The following CMYA5 variants were observed in gnomAD, a reference collection of about 807,000 sequenced individuals.
The protein encoded by CMYA5 is cardiomyopathy-associated protein 5.
A neutral mutation model predicts 318.9 loss-of-function variants in CMYA5; 246 were observed. That is an observed-to-expected ratio of 0.77 (90% CI 0.70 to 0.86). CMYA5 has a LOEUF of 0.86. Among genes scored for constraint, CMYA5 ranks in the 40% least tolerant of loss-of-function variants. CMYA5 has a pLI of 0.00. For synonymous variants in CMYA5, 1,641 were observed against 1,729.5 expected, an observed-to-expected ratio of 0.95 and a Z score of 1.27; for missense variants, 4,589 against 4,678.2, an observed-to-expected ratio of 0.98 and a Z score of 0.56.
Position 79,730,566 on chromosome 5 carries a change from C to T in CMYA5, c.1801C>T (p.Pro601Ser), listed in dbSNP as rs770228255. The change falls in exon 2 of 13, where the codon CCA (proline) becomes TCA (serine). Residue 601 changes from proline (P) to serine (S), a missense_variant. Pro to Ser is a moderately conservative substitution (Grantham distance 74). This residue lies in a region of CMYA5 where 2,132 missense variants were observed against 2,131.3 expected (regional missense o/e 1.00). Transcript: ENST00000446378. Reference sequence around the variant, plus strand: ...TGCTTTTGTATCAGAGTATTCAGTACCACAGGATTTGAACCATGAATTACA... The same window carrying T: ...TGCTTTTGTATCAGAGTATTCAGTATCACAGGATTTGAACCATGAATTACA... Reference protein sequence around the residue: ...GSAFVSEYSVPQDLNHELQEQ... With the variant: ...GSAFVSEYSVSQDLNHELQEQ... 1.4e-5 allele frequency: 23 copies of T among 1,613,820 alleles called. No homozygotes were observed. The highest frequency in any genetic ancestry group is 1.9e-5 in the Non-Finnish European group (23 of 1,179,856).
At position 79,734,484 on chromosome 5, in the gene CMYA5, G is replaced by A. The variant is rs202154438; in HGVS notation, c.5719G>A (p.Glu1907Lys). The change falls in exon 2 of 13, where the codon GAA (glutamate) becomes AAA (lysine). Residue 1907 changes from glutamate to lysine, a missense_variant. By Grantham distance (56) the Glu-to-Lys change is moderately conservative. Coordinates refer to ENST00000446378, the MANE Select transcript of CMYA5 (RefSeq NM_153610.5). ...GCCAGAAAATGTGGCTAGTCAACAC[G>A]AACAGAGAATAGCAGGATCTGTGCA... ...GKPENVASQH[E>K]QRIAGSVQLD... 12 of 1,613,624 alleles carry A rather than the reference G, an allele frequency of 7.4e-6. No individual in the cohort carries two copies. The highest frequency in any genetic ancestry group is 5.3e-5 in the African/African-American group (4 of 75,028).
At chr5:79,790,855 G>A (rs1053361262) in intron 10 of CMYA5, 115 bp from the exon 11 acceptor site, 18 of 674,802 alleles carry the variant, frequency 2.7e-5, no homozygotes, top group South Asian at 1.3e-4. Context: ...AAGACACTTC[G>A]TGGGGGATTT....
chr5:79,793,719 T>G, intron 12 of CMYA5, 109 bp downstream of exon 12: 1 of 963,434 alleles, frequency 1.0e-6, no homozygotes, highest in Admixed American at 2.8e-5. Context: ...GCTCAACTTC[T>G]GAGCCAACTA....
At chr5:79,794,462 A>T (rs1829239921) in intron 12 of CMYA5, among the ~76,000 whole-genome samples, 1 of 152,222 alleles carries the variant, frequency 6.6e-6, no homozygotes, top group South Asian at 2.1e-4. Flanking sequence ...TAGAAAGAAC[A>T]CTGGACTAGG....
intron 2 of CMYA5, 65 bp from the exon 3 acceptor site, chr5:79,743,762 G>A: frequency 1.3e-6 from 1 of 776,774 alleles, no homozygotes; most frequent in Non-Finnish European, 2.0e-6. Flanking sequence ...GGAACTTGGA[G>A]CTCACTGGTT....
At position 79,717,607 on chromosome 5, in the gene CMYA5, A is replaced by G. The variant is rs536800321; in HGVS notation, c.150-11308A>G. On this transcript the variant is annotated intron_variant, in intron 1 of 12. Transcript: ENST00000446378. Reference sequence around the variant, plus strand: ...AGCAAAGGCATGAAGAGTGAAGCCTATGTTTGGCTGGATTATAGAGTTAAT... The same window carrying G: ...AGCAAAGGCATGAAGAGTGAAGCCTGTGTTTGGCTGGATTATAGAGTTAAT... 4.6e-5 allele frequency among the ~76,000 whole-genome samples: 7 copies of G among 152,340 alleles called. No homozygotes were observed. The South Asian group carries it at 1.4e-3, about 32-fold the overall frequency.
intron 6 of CMYA5, among the ~76,000 whole-genome samples, chr5:79,758,315 T>G (rs1041647032): frequency 1.3e-5 from 2 of 151,606 alleles, no homozygotes; most frequent in African/African-American, 4.9e-5. Context: ...GTGGATCACC[T>G]GAGGTCAGAA....
At position 79,752,713 on chromosome 5, in the gene CMYA5, A is replaced by C; in HGVS notation, c.11029A>C (p.Lys3677Gln). Residue 3677 changes from lysine to glutamine, a missense_variant, in exon 6 of 13, where the codon AAA becomes CAA. Lys to Gln is a moderately conservative substitution (Grantham distance 53). This residue lies in a region of CMYA5 where 2,431 missense variants were observed against 2,495.1 expected (regional missense o/e 0.97). Transcript: ENST00000446378. Reference sequence around the variant, plus strand: ...AATGGAGAGCACTGCTTCTTTAGAGAAAATGCCTGCTGCGTTTTCCCTTTT... The same window carrying C: ...AATGGAGAGCACTGCTTCTTTAGAGCAAATGCCTGCTGCGTTTTCCCTTTT... ...SAMESTASLEKMPAAFSLFEH... is the reference protein window; with the variant it reads ...SAMESTASLEQMPAAFSLFEH... The C allele has an allele frequency of 6.2e-7, 1 of 1,613,644 alleles. No homozygotes were observed. Among genetic ancestry groups the C allele is most frequent in the Non-Finnish European group, 8.5e-7 (1 of 1,179,606 alleles).
rs115130400 is a variant in CMYA5, at chr5:79,697,020, T to A, written c.149+6964T>A. ...AAAACTCCATCTCAAAAAAAAAAAATGTATTTACTGTAAGAAAAGAGACTT... is the reference window on the plus strand; with the variant it reads ...AAAACTCCATCTCAAAAAAAAAAAAAGTATTTACTGTAAGAAAAGAGACTT... On this transcript the variant is annotated intron_variant, in intron 1 of 12. Transcript: ENST00000446378. Among the ~76,000 whole-genome samples the A allele has an allele frequency of 7.8e-3, 1,171 of 151,074 alleles. 17 individuals are homozygous for A. The highest frequency in any genetic ancestry group is 0.027 in the African/African-American group (1,105 of 41,270).
In CMYA5 at chr5:79,737,559, A is replaced by T; in HGVS notation, c.8794A>T (p.Lys2932Ter). 6.2e-7 allele frequency: 1 copy of T among 1,613,678 alleles called. No homozygotes were observed. The highest frequency in any genetic ancestry group is 8.5e-7 in the Non-Finnish European group (1 of 1,179,786). ...AGGTGAAGACTTTACAGTGACTAGT[A>T]AGCCAGCCGGACTTTCAGAAGATCA... The part of the protein sequence containing the change: ...AKGEDFTVTS[K>*]PAGLSEDQKT... The change falls in exon 2 of 13, where the codon AAG (lysine) becomes TAG (stop). Residue 2932 changes from lysine (K) to a stop codon, truncating the protein, a stop_gained. Transcript: ENST00000446378. LOFTEE classifies it high-confidence loss of function.
At chr5:79,792,000 T>A (rs1829188886) in intron 11 of CMYA5, among the ~76,000 whole-genome samples, 1 of 152,212 alleles carries the variant, frequency 6.6e-6, no homozygotes, top group South Asian at 2.1e-4. Flanking sequence ...TGTGCCCTGG[T>A]GTCGGTGGCT....
intron 1 of CMYA5, among the ~76,000 whole-genome samples, chr5:79,690,882 C>T (rs1169160512): frequency 6.6e-6 from 1 of 152,106 alleles, no homozygotes; most frequent in African/African-American, 2.4e-5. Context: ...CATCTCAGAA[C>T]GCCCAGCTTA....
chr5:79,770,025 A>G (rs1316577443), intron 9 of CMYA5, among the ~76,000 whole-genome samples: 4 of 152,228 alleles, frequency 2.6e-5, no homozygotes, highest in African/African-American at 9.6e-5. Context: ...CTAGAGAGGC[A>G]GTCGGGCTAG....
rs1826918176 is a variant in CMYA5, at chr5:79,689,924, G to A, written c.17G>A (p.Ser6Asn). The A allele has an allele frequency of 5.4e-6, 5 of 917,554 alleles. No homozygotes were observed. The highest frequency in any genetic ancestry group is 8.7e-6 in the Non-Finnish European group (5 of 575,360). 56.8% of individuals were successfully genotyped at this position (917,554 alleles called of 1,614,324 possible). ...GGAGAGGCGATGGCGAGCCGCGATA[G>A]CAACCACGCTGGCGAGAGCTTTCTC... is the stretch of plus-strand genomic sequence containing the variant. MASRD[S>N]NHAGESFLGS... Residue 6 changes from serine to asparagine, a missense_variant, in exon 1 of 13, where the codon AGC (serine) becomes AAC (asparagine). By Grantham distance (46) the Ser-to-Asn change is conservative (BLOSUM62 1). Coordinates refer to ENST00000446378, the MANE Select transcript of CMYA5 (RefSeq NM_153610.5).
rs186943498 is a variant in CMYA5, at chr5:79,729,287, C to A, written c.522C>A (p.Ser174Arg). ...NKKGSPLTSA[S>R]QVLTTEKEKS... is the part of the protein sequence containing the mutation. ...AAGGCAGTCCTTTAACTTCAGCAAG[C>A]CAGGTACTAACCACGGAGAAAGAGA... Residue 174 changes from serine (S) to arginine (R), a missense_variant, in exon 2 of 13, where the codon AGC (serine) becomes AGA (arginine). Ser to Arg is a moderately radical substitution (Grantham distance 110). Transcript: ENST00000446378. The A allele has an allele frequency of 6.2e-7, 1 of 1,610,856 alleles. No homozygotes were observed. The highest frequency in any genetic ancestry group is 8.5e-7 in the Non-Finnish European group (1 of 1,179,064).
intron 9 of CMYA5, among the ~76,000 whole-genome samples, chr5:79,765,276 T>G (rs1828729032): frequency 6.6e-6 from 1 of 152,210 alleles, no homozygotes; most frequent in Admixed American, 6.5e-5. Flanking sequence ...TCTTGTCAGG[T>G]TTGTCAAAGT....
intron 5 of CMYA5, among the ~76,000 whole-genome samples, chr5:79,747,988 A>AT (rs1828359584): frequency 1.3e-5 from 2 of 152,328 alleles, no homozygotes; most frequent in East Asian, 1.9e-4. Context: ...TAGAAATATG[A>AT]TTTTTTTAGG....
In CMYA5 at chr5:79,734,038, C is replaced by T. The variant is rs745584526; in HGVS notation, c.5273C>T (p.Pro1758Leu). The T allele has an allele frequency of 2.5e-6, 4 of 1,613,764 alleles. No individual in the cohort carries two copies. The highest frequency in any genetic ancestry group is 1.7e-5 in the Admixed American group (1 of 59,982). ...GGATTATCAGAGGAGGTTAGCCATC[C>T]AGCCGACTTTAAAAAGGGAGGAAAT... ...LKGLSEEVSHPADFKKGGNQE... is the reference protein window; with the variant it reads ...LKGLSEEVSHLADFKKGGNQE... The change falls in exon 2 of 13, where the codon CCA (proline) becomes CTA (leucine). Residue 1758 changes from proline to leucine, a missense_variant. Physicochemically the swap from Pro to Leu is moderately conservative, Grantham distance 98 (BLOSUM62 -3). This residue lies in a region of CMYA5 where 2,132 missense variants were observed against 2,131.3 expected (regional missense o/e 1.00). Transcript: ENST00000446378.
At chr5:79,759,310 A>G (rs1276384947) in intron 7 of CMYA5, among the ~76,000 whole-genome samples, 1 of 152,230 alleles carries the variant, frequency 6.6e-6, no homozygotes, top group Non-Finnish European at 1.5e-5. Context: ...AAGAAGCCAT[A>G]GAGAGGACAG....
Sources: allele counts gnomAD v4.1 joint callset (sites outside exome capture counted in the v4.1 genomes callset), GRCh38; gene constraint gnomAD v4.1.1; regional missense constraint gnomAD v4.1.1; transcripts MANE v1.5; gene names NCBI Gene and HGNC (gene_info 2026-07-23, HGNC 2026-07-21).